TAF3: variants seen among roughly 807,000 people sequenced by gnomAD.
The protein encoded by TAF3 is transcription initiation factor TFIID subunit 3.
Under a neutral mutation model 80.6 loss-of-function variants are expected in TAF3, and 7 were observed. The ratio of observed to expected loss-of-function variants is 0.09; its 90% CI spans 0.05 to 0.16. TAF3 has a LOEUF of 0.16. Ranked by LOEUF, TAF3 falls within the 10% of genes least tolerant of loss-of-function variation. TAF3 has a pLI of 1.00. For missense variants in TAF3, 921 were observed against 1,140.2 expected (o/e 0.81, Z 2.77); for synonymous variants, 444 against 446.1 (o/e 1.00, Z 0.06).
intron 2 of TAF3, among the ~76,000 whole-genome samples, chr10:7,831,251 A>G (rs1737231742): frequency 6.6e-6 from 1 of 152,176 alleles, no homozygotes; most frequent in Non-Finnish European, 1.5e-5. Flanking sequence ...TCATGAGAAT[A>G]AATTGGTTCC....
chr10:7,958,930 C>T (rs1413615427), intron 2 of TAF3, among the ~76,000 whole-genome samples: 4 of 152,114 alleles, frequency 2.6e-5, no homozygotes, highest in South Asian at 2.1e-4. Context: ...GTCAGGACAT[C>T]GAGACCATCC....
intron 2 of TAF3, among the ~76,000 whole-genome samples, chr10:7,865,089 G>A (rs1277924607): frequency 6.6e-6 from 1 of 152,126 alleles, no homozygotes; most frequent in African/African-American, 2.4e-5. Context: ...CCTCACCAGT[G>A]GTGACTCATG....
chr10:7,820,663 C>A (rs1286243894), intron 1 of TAF3, among the ~76,000 whole-genome samples: 1 of 151,890 alleles, frequency 6.6e-6, no homozygotes, highest in African/African-American at 2.4e-5. Flanking sequence ...CCTGGCTAAT[C>A]TTTTTATTTT....
intron 4 of TAF3, among the ~76,000 whole-genome samples, chr10:8,004,689 C>G (rs1199825373): frequency 2.0e-5 from 3 of 152,112 alleles, no homozygotes; most frequent in African/African-American, 7.2e-5. Flanking sequence ...TTTTTTCCCT[C>G]TAGCTGCCTT....
At chr10:7,867,808 A>T (rs539592241) in intron 2 of TAF3, among the ~76,000 whole-genome samples, 52 of 152,348 alleles carry the variant, frequency 3.4e-4, no homozygotes, top group African/African-American at 1.2e-3. Flanking sequence ...GCAGAAATTC[A>T]TGTGTAACTT....
At chr10:7,942,192 C>T in intron 2 of TAF3, among the ~76,000 whole-genome samples, 1 of 152,196 alleles carries the variant, frequency 6.6e-6, no homozygotes, top group East Asian at 1.9e-4. Context: ...AAAGGAGAGT[C>T]AGTCTAGCAA....
In TAF3 at chr10:7,995,143, C is replaced by G. The variant is rs147567774; in HGVS notation, c.2316-13935C>G. ...TGAAGTTAAAGACTAAGGTTTTTTT[C>G]AGCATTTGCTCTTAAAATACATTTC... On this transcript the variant is annotated intron_variant, in intron 4 of 6. Coordinates refer to ENST00000344293, the MANE Select transcript of TAF3 (RefSeq NM_031923.4). Among the ~76,000 whole-genome samples, 3 of 151,968 alleles carry G rather than the reference C, an allele frequency of 2.0e-5. No individual in the cohort carries two copies. The East Asian group carries it at 5.8e-4, about 29-fold the overall frequency.
intron 2 of TAF3, among the ~76,000 whole-genome samples, chr10:7,949,924 A>G (rs1382338170): frequency 1.3e-5 from 2 of 152,228 alleles, no homozygotes. Context: ...TAAAGATAGG[A>G]AGATACTACT....
chr10:7,834,826 G>C (rs752821253), intron 2 of TAF3, among the ~76,000 whole-genome samples: 13 of 151,748 alleles, frequency 8.6e-5, no homozygotes, highest in Non-Finnish European at 1.8e-4. Context: ...AATTTTTTTT[G>C]CTCATTCTGT....
chr10:8,004,958 G>A (rs980118836), intron 4 of TAF3, among the ~76,000 whole-genome samples: 6 of 152,042 alleles, frequency 3.9e-5, no homozygotes, highest in African/African-American at 9.7e-5. Flanking sequence ...GCTATGCTCT[G>A]AAAATTTATT....
chr10:7,899,828 T>A (rs1409275253), intron 2 of TAF3, among the ~76,000 whole-genome samples: 1 of 152,214 alleles, frequency 6.6e-6, no homozygotes, highest in Non-Finnish European at 1.5e-5. Flanking sequence ...ATGATTTCCA[T>A]TATGTAGGGA....
chr10:7,969,361 C>T (rs1012828921), intron 3 of TAF3, among the ~76,000 whole-genome samples: 2 of 151,940 alleles, frequency 1.3e-5, no homozygotes, highest in Non-Finnish European at 2.9e-5. Context: ...ATAGTTGTAG[C>T]AGTGATAAAT....
At chr10:7,895,728 T>TC (rs397938371) in intron 2 of TAF3, among the ~76,000 whole-genome samples, 1 of 77,028 alleles carries the variant, frequency 1.3e-5, no homozygotes, top group Non-Finnish European at 2.8e-5. Context: ...GTGTGGCCTC[T>TC]ATCTACAGTT....
At chr10:7,990,837 C>T (rs1285723282) in intron 4 of TAF3, among the ~76,000 whole-genome samples, 1 of 152,130 alleles carries the variant, frequency 6.6e-6, no homozygotes, top group Non-Finnish European at 1.5e-5. Flanking sequence ...ATCCCATAGA[C>T]CTCCTCACAG....
chr10:7,842,164 GT>G (rs71505466), intron 2 of TAF3, among the ~76,000 whole-genome samples: 8,288 of 84,588 alleles, frequency 0.098, 377 homozygotes, highest in South Asian at 0.16. Context: ...TTTTTTTTTT[GT>G]TTTTTTTTTT....
intron 2 of TAF3, among the ~76,000 whole-genome samples, chr10:7,918,566 G>C (rs1837733740): frequency 6.6e-6 from 1 of 152,120 alleles, no homozygotes; most frequent in Non-Finnish European, 1.5e-5. Context: ...GTGGAGTTGG[G>C]CCTGATTCTG....
At chr10:7,954,909 T>C (rs906550507) in intron 2 of TAF3, among the ~76,000 whole-genome samples, 2 of 140,000 alleles carry the variant, frequency 1.4e-5, no homozygotes, top group African/African-American at 2.6e-5. Flanking sequence ...CTCTCCATAG[T>C]GAGATTCAGA....
rs1318043757 is a variant in TAF3 at position 7,863,660 on chromosome 10, T to C, written c.409+39100T>C. ...ATATATATATATACACACACACATA[T>C]ATATATACACACATATATATATATA... On this transcript the variant is annotated intron_variant, in intron 2 of 6. Coordinates refer to ENST00000344293, the MANE Select transcript of TAF3 (RefSeq NM_031923.4). Among the ~76,000 whole-genome samples the C allele has an allele frequency of 1.2e-4, 12 of 98,618 alleles. 2 individuals are homozygous for C. The highest frequency in any genetic ancestry group is 4.2e-4 in the East Asian group (1 of 2,370). The allele number at this position is 98,618 out of a possible 152,430, so 64.7% of individuals were successfully genotyped here. A position where few individuals can be genotyped will look rare whatever the true frequency, so the allele number is the denominator to read the frequency against.
chr10:7,985,929 A>G (rs770490490), intron 4 of TAF3, among the ~76,000 whole-genome samples: 9 of 151,472 alleles, frequency 5.9e-5, no homozygotes, highest in Non-Finnish European at 1.2e-4. Flanking sequence ...GACTATGGGC[A>G]CCCGCCCCCA....
Sources: allele counts gnomAD v4.1 joint callset (sites outside exome capture counted in the v4.1 genomes callset), GRCh38; gene constraint gnomAD v4.1.1; transcripts MANE v1.5; gene names NCBI Gene and HGNC (gene_info 2026-07-23, HGNC 2026-07-21).